PLD1: variants seen among roughly 807,000 people sequenced by gnomAD.
PLD1 encodes choline phosphatase 1.
In PLD1, 112 loss-of-function variants were observed where a neutral mutation model predicts 137.1. That is an observed-to-expected ratio of 0.82 (90% CI 0.70 to 0.96). PLD1 has a LOEUF of 0.96. Ranked by LOEUF, PLD1 falls within the 40% of genes least tolerant of loss-of-function variation. The probability of loss-of-function intolerance (pLI) is 0.00; values close to 1 mark genes in which losing one functional copy is unlikely to be tolerated. For missense variants in PLD1, 1,321 were observed against 1,342.0 expected (o/e 0.98, Z 0.24); for synonymous variants, 431 against 454.7 (o/e 0.95, Z 0.66).
intron 13 of PLD1, among the ~76,000 whole-genome samples, chr3:171,691,539 T>C (rs1016225685): frequency 1.3e-5 from 2 of 152,352 alleles, no homozygotes; most frequent in African/African-American, 4.8e-5. Context: ...CATTCTAATT[T>C]GTATTTATAC....
chr3:171,749,447 G>A (rs1720501138), intron 1 of PLD1, among the ~76,000 whole-genome samples: 1 of 152,164 alleles, frequency 6.6e-6, no homozygotes, highest in Non-Finnish European at 1.5e-5. Flanking sequence ...AAACTACATG[G>A]AACTGTGGTT....
intron 20 of PLD1, 88 bp downstream of exon 20, chr3:171,661,972 G>A: frequency 1.5e-6 from 1 of 665,776 alleles, no homozygotes; most frequent in African/African-American, 1.8e-5. Flanking sequence ...ATTAATATGA[G>A]GGGTCCTAAG....
chr3:171,701,058 A>C (rs2108544446), intron 11 of PLD1, among the ~76,000 whole-genome samples: 1 of 152,336 alleles, frequency 6.6e-6, no homozygotes, highest in Middle Eastern at 3.4e-3. Context: ...AAGCATGTGA[A>C]ATCAACAGTG....
chr3:171,627,406 T>A (rs1734218752), intron 23 of PLD1, among the ~76,000 whole-genome samples: 1 of 152,064 alleles, frequency 6.6e-6, no homozygotes, highest in African/African-American at 2.4e-5. Flanking sequence ...CACACAATAA[T>A]AATGGGAGAC....
intron 21 of PLD1, among the ~76,000 whole-genome samples, chr3:171,645,883 C>CAAAA (rs1162718346): frequency 5.2e-4 from 31 of 59,162 alleles, no homozygotes; most frequent in Middle Eastern, 8.3e-3. Flanking sequence ...GACTCCATCT[C>CAAAA]AAAAAAAAAA....
intron 1 of PLD1, among the ~76,000 whole-genome samples, chr3:171,780,038 G>C (rs751916537): frequency 2.0e-5 from 3 of 152,174 alleles, no homozygotes; most frequent in Non-Finnish European, 4.4e-5. Flanking sequence ...ATATACATAA[G>C]TCTGAGATTC....
chr3:171,797,125 A>G (rs1378996770), intron 1 of PLD1, among the ~76,000 whole-genome samples: 1 of 151,132 alleles, frequency 6.6e-6, no homozygotes, highest in Admixed American at 6.6e-5. Flanking sequence ...CTATACTCCC[A>G]CTCCCATATA....
chr3:171,670,270 C>T (rs1040715941), intron 19 of PLD1, among the ~76,000 whole-genome samples: 2 of 152,116 alleles, frequency 1.3e-5, no homozygotes, highest in East Asian at 1.9e-4. Flanking sequence ...AAGAGCTGGA[C>T]GAGAGGACAT....
At chr3:171,693,177 T>A (rs890351537) in intron 12 of PLD1, among the ~76,000 whole-genome samples, 19 of 152,204 alleles carry the variant, frequency 1.2e-4, no homozygotes, top group African/African-American at 4.6e-4. Flanking sequence ...ATACAATTAT[T>A]TAACAATATT....
chr3:171,729,876 CT>C (rs1326694165), intron 6 of PLD1, among the ~76,000 whole-genome samples: 1 of 152,160 alleles, frequency 6.6e-6, no homozygotes, highest in African/African-American at 2.4e-5. Flanking sequence ...GAGAGGTGAA[CT>C]CAGTATTATT....
intron 1 of PLD1, among the ~76,000 whole-genome samples, chr3:171,777,587 C>T (rs1722633355): frequency 6.6e-6 from 1 of 152,174 alleles, no homozygotes; most frequent in African/African-American, 2.4e-5. Context: ...AATCTGCTTT[C>T]TCACAAGACC....
At chr3:171,801,251 T>C (rs1723633302) in intron 1 of PLD1, among the ~76,000 whole-genome samples, 1 of 152,142 alleles carries the variant, frequency 6.6e-6, no homozygotes, top group African/African-American at 2.4e-5. Flanking sequence ...TTCAACACCA[T>C]CCTGAAGAGG....
chr3:171,620,777 ATTT>A (rs200988699), intron 23 of PLD1, among the ~76,000 whole-genome samples: 3,678 of 126,794 alleles, frequency 0.029, 177 homozygotes, highest in African/African-American at 0.11. Context: ...TATTATATAT[ATTT>A]TTTTTTTAAT....
chr3:171,744,764 A>C (rs866937743), intron 1 of PLD1, among the ~76,000 whole-genome samples: 2 of 152,244 alleles, frequency 1.3e-5, no homozygotes, highest in African/African-American at 2.4e-5. Context: ...CCATTAGCTA[A>C]TCTCAACTAG....
chr3:171,764,831 G>GAA (rs1200673523), intron 1 of PLD1, among the ~76,000 whole-genome samples: 1 of 7,696 alleles, frequency 1.3e-4, no homozygotes, highest in Admixed American at 1.7e-3. Context: ...GAAAGAGAAA[G>GAA]AAAGAAAGAA....
intron 1 of PLD1, among the ~76,000 whole-genome samples, chr3:171,799,457 A>G (rs748509284): frequency 2.8e-4 from 43 of 151,890 alleles, no homozygotes; most frequent in Admixed American, 2.3e-3. Context: ...AAACAAGGCC[A>G]CCTAAGTGTA....
chr3:171,766,527 AT>A (rs2108322017), intron 1 of PLD1, among the ~76,000 whole-genome samples: 1 of 152,240 alleles, frequency 6.6e-6, no homozygotes, highest in African/African-American at 2.4e-5. Context: ...AATATCCATT[AT>A]TTTTACTTAA....
intron 19 of PLD1, 48 bp from the exon 20 acceptor site, chr3:171,662,218 C>T (rs1238649825): frequency 9.8e-7 from 1 of 1,022,674 alleles, no homozygotes; most frequent in Non-Finnish European, 1.5e-6. Flanking sequence ...ATGGAGAGGA[C>T]ATCAGATATA....
rs754624293 is a variant in PLD1 at position 171,677,699 on chromosome 3, G to A, written c.1868-5C>T. 2.5e-5 allele frequency: 40 copies of A among 1,613,432 alleles called. No individual in the cohort carries two copies. The highest frequency in any genetic ancestry group is 3.1e-5 in the Non-Finnish European group (36 of 1,179,766). On this transcript the variant is annotated splice_region_variant and splice_polypyrimidine_tract_variant and intron_variant, in intron 16 of 26. Coordinates refer to ENST00000351298, the MANE Select transcript of PLD1 (RefSeq NM_002662.5). ...AACTACGGATGGACCCGGTATCTGT[G>A]AATGCAGCAAGACCCCCTCAGAGAC... is the stretch of plus-strand genomic sequence containing the variant.
Sources: allele counts gnomAD v4.1 joint callset (sites outside exome capture counted in the v4.1 genomes callset), GRCh38; gene constraint gnomAD v4.1.1; transcripts MANE v1.5; gene names NCBI Gene and HGNC (gene_info 2026-07-23, HGNC 2026-07-21).